Variants in TEAD1 observed in about 807,000 individuals in gnomAD.
TEAD1 encodes the protein transcriptional enhancer factor TEF-1.
A neutral mutation model predicts 54.9 loss-of-function variants in TEAD1; 9 were observed. The observed-to-expected ratio is 0.16, with a 90% CI of 0.10 to 0.29. TEAD1 has a LOEUF of 0.29. TEAD1 is among the 10% of genes least tolerant of loss of function. The pLI is 1.00. For synonymous variants in TEAD1, 200 were observed against 187.8 expected (o/e 1.07, Z -0.53); for missense variants, 387 against 535.9 (o/e 0.72, Z 2.74).
chr11:12,784,027 C>G (rs1035258137), intron 3 of TEAD1, among the ~76,000 whole-genome samples: 7 of 152,208 alleles, frequency 4.6e-5, no homozygotes, highest in African/African-American at 1.7e-4. Context: ...AGGAGGCTGA[C>G]ACTACAACAC....
chr11:12,783,492 C>T (rs1258013614), intron 3 of TEAD1, among the ~76,000 whole-genome samples: 1 of 152,178 alleles, frequency 6.6e-6, no homozygotes, highest in Admixed American at 6.5e-5. Context: ...GTGAACACCT[C>T]TCACAGTGTT....
At position 12,879,686 on chromosome 11, in the gene TEAD1, G is replaced by C. The variant is rs766996924; in HGVS notation, c.331-22G>C. On this transcript the variant is annotated intron_variant, in intron 5 of 12. Coordinates refer to ENST00000527636, the MANE Select transcript of TEAD1 (RefSeq NM_021961.6). ...TAGCCATGCGTTATGTATTAAGTTG[G>C]TGTGTCACTGTCACCTTCAAGGATC... The C allele has an allele frequency of 2.5e-6, 4 of 1,614,090 alleles. 1 individual carries two copies. The South Asian group carries it at 4.4e-5, about 18-fold the overall frequency.
At chr11:12,777,528 A>G (rs576054285) in intron 3 of TEAD1, among the ~76,000 whole-genome samples, 20 of 152,290 alleles carry the variant, frequency 1.3e-4, no homozygotes, top group African/African-American at 4.8e-4. Flanking sequence ...TTTTATTGAG[A>G]GAGGTTTGGT....
chr11:12,894,279 C>T (rs1170186361), intron 9 of TEAD1, among the ~76,000 whole-genome samples: 1 of 152,104 alleles, frequency 6.6e-6, no homozygotes, highest in African/African-American at 2.4e-5. Flanking sequence ...CGGTGCAGTG[C>T]AGGACCCGGT....
chr11:12,808,489 G>GT (rs1331756089), intron 3 of TEAD1, among the ~76,000 whole-genome samples: 2 of 152,096 alleles, frequency 1.3e-5, no homozygotes, highest in African/African-American at 2.4e-5. Flanking sequence ...TTTTGTTTTT[G>GT]TTTTTTTCCC....
chr11:12,937,136 A>G lies in TEAD1; in HGVS notation c.1195A>G (p.Thr399Ala). ...GGTAACAAACAGGGATACACAAGAAACTCTACTCTGCATGGCCTGTGTGTT... is the reference window on the plus strand; with the variant it reads ...GGTAACAAACAGGGATACACAAGAAGCTCTACTCTGCATGGCCTGTGTGTT... The change falls in exon 13 of 13, where the codon ACT becomes GCT. Residue 399 changes from threonine to alanine, a missense_variant. This residue lies in a region of TEAD1 where 123 missense variants were observed against 199.0 expected (regional missense o/e 0.62). Transcript: ENST00000527636. 6.2e-7 allele frequency: 1 copy of G among 1,613,742 alleles called. No individual in the cohort carries two copies. The highest frequency in any genetic ancestry group is 8.5e-7 in the Non-Finnish European group (1 of 1,179,910).
At chr11:12,897,467 G>T (rs1336032818) in intron 9 of TEAD1, among the ~76,000 whole-genome samples, 1 of 152,204 alleles carries the variant, frequency 6.6e-6, no homozygotes, top group Non-Finnish European at 1.5e-5. Context: ...GAATGAAGGG[G>T]AGAGGGTGGT....
At chr11:12,925,765 C>T (rs1258089439) in intron 11 of TEAD1, among the ~76,000 whole-genome samples, 2 of 152,142 alleles carry the variant, frequency 1.3e-5, no homozygotes, top group Non-Finnish European at 2.9e-5. Flanking sequence ...CTACACCCAA[C>T]CCCTAGGTCC....
At chr11:12,899,744 T>C (rs561423848) in intron 9 of TEAD1, among the ~76,000 whole-genome samples, 1 of 152,340 alleles carries the variant, frequency 6.6e-6, no homozygotes, top group African/African-American at 2.4e-5. Context: ...CAGAGCTTGA[T>C]AGGGTTCTCT....
At chr11:12,727,406 C>T (rs1944334287) in intron 2 of TEAD1, among the ~76,000 whole-genome samples, 1 of 152,086 alleles carries the variant, frequency 6.6e-6, no homozygotes, top group Non-Finnish European at 1.5e-5. Context: ...GGCCCTGGGG[C>T]ATAGTCTGTG....
rs1949094893 is a variant in TEAD1, at chr11:12,936,107, A to G, written c.1168-1002A>G. ...TTCAAACAATGCTTTGGCGTAATCA[A>G]ACACAAAAGTAACAGAGTCACTGAC... On this transcript the variant is annotated intron_variant, in intron 12 of 12. Coordinates refer to ENST00000527636, the MANE Select transcript of TEAD1 (RefSeq NM_021961.6). Among the ~76,000 whole-genome samples, 3 of 152,228 alleles carry G rather than the reference A, an allele frequency of 2.0e-5. No homozygotes were observed. In the South Asian group the frequency reaches 6.2e-4, roughly 32 times the overall value.
intron 3 of TEAD1, among the ~76,000 whole-genome samples, chr11:12,767,233 T>C (rs938819710): frequency 6.6e-6 from 1 of 152,168 alleles, no homozygotes; most frequent in Non-Finnish European, 1.5e-5. Context: ...TGTCCTGGGC[T>C]TTTGGCCTGT....
At chr11:12,864,714 G>A in intron 4 of TEAD1, 124 bp from the exon 5 acceptor site, 2 of 1,597,834 alleles carry the variant, frequency 1.3e-6, no homozygotes, top group Admixed American at 1.7e-5. Flanking sequence ...GTCTTAGCAA[G>A]AAAGAAAGTT....
chr11:12,878,881 G>A (rs1390935409), intron 5 of TEAD1: 2 of 1,280,056 alleles, frequency 1.6e-6, no homozygotes, highest in Non-Finnish European at 2.0e-6. Context: ...GTTTATTATT[G>A]TATCCAGGTA....
At chr11:12,895,847 A>G (rs1440281) in intron 9 of TEAD1, among the ~76,000 whole-genome samples, 138,737 of 152,164 alleles carry the variant, frequency 0.91, 63,944 homozygotes, top group Non-Finnish European at 0.98. Flanking sequence ...CTTATATTGT[A>G]TATCTCATTC....
chr11:12,937,050 C>T lies in TEAD1; in HGVS notation c.1168-59C>T, dbSNP rs1031535203. On this transcript the variant is annotated intron_variant, in intron 12 of 12. Transcript: ENST00000527636. ...CTCCAATTAAGTCATAGTCGTCATA[C>T]ACAGATGGAATATGTTTTCATCCTT... is the stretch of plus-strand genomic sequence containing the variant. 5.9e-6 allele frequency: 7 copies of T among 1,193,546 alleles called. No individual in the cohort carries two copies. In the African/African-American group the frequency reaches 1.1e-4, roughly 18 times the overall value. The allele number at this position is 1,193,546 out of a possible 1,614,324, so 73.9% of individuals were successfully genotyped here. A position where few individuals can be genotyped will look rare whatever the true frequency, so the allele number is the denominator to read the frequency against.
rs184974709 is a variant in TEAD1 at position 12,933,097 on chromosome 11, G to A, written c.1167+2771G>A. Among the ~76,000 whole-genome samples, 10 of 152,190 alleles carry A rather than the reference G, an allele frequency of 6.6e-5. No homozygotes were observed. In the East Asian group the frequency reaches 1.7e-3, roughly 26 times the overall value. ...TAAGTACACTCTATGCTGTTGGTTCGCATGACAAAACCACCTGATTACACA... is the reference window on the plus strand; with the variant it reads ...TAAGTACACTCTATGCTGTTGGTTCACATGACAAAACCACCTGATTACACA... On this transcript the variant is annotated intron_variant, in intron 12 of 12. Transcript: ENST00000527636.
At chr11:12,823,973 G>A (rs796100560) in intron 3 of TEAD1, among the ~76,000 whole-genome samples, 7 of 152,188 alleles carry the variant, frequency 4.6e-5, no homozygotes, top group African/African-American at 1.2e-4. Context: ...TAATTTTGGG[G>A]GAGACTAAGT....
chr11:12,763,148 T>C (rs749057889), intron 2 of TEAD1, among the ~76,000 whole-genome samples: 2 of 152,260 alleles, frequency 1.3e-5, no homozygotes, highest in Non-Finnish European at 2.9e-5. Context: ...ATTGACGTTA[T>C]GCCAGTTTGA....
Sources: allele counts gnomAD v4.1 joint callset (sites outside exome capture counted in the v4.1 genomes callset), GRCh38; gene constraint gnomAD v4.1.1; regional missense constraint gnomAD v4.1.1; transcripts MANE v1.5; gene names NCBI Gene and HGNC (gene_info 2026-07-23, HGNC 2026-07-21).